The following IGF2BP2 variants were observed in gnomAD, a reference collection of about 807,000 sequenced individuals.
IGF2BP2 encodes the protein insulin-like growth factor 2 mRNA-binding protein 2.
Under a neutral mutation model 75.8 loss-of-function variants are expected in IGF2BP2, and 17 were observed. The observed-to-expected ratio is 0.22, with a 90% CI of 0.15 to 0.34. The LOEUF is 0.34. Ranked by LOEUF, IGF2BP2 falls within the 10% of genes least tolerant of loss-of-function variation. The pLI is 1.00. For missense variants in IGF2BP2, 516 were observed against 772.4 expected (o/e 0.67, Z 3.93); for synonymous variants, 288 against 295.6 (o/e 0.97, Z 0.26).
intron 2 of IGF2BP2, among the ~76,000 whole-genome samples, chr3:185,739,887 C>T (rs1033706630): frequency 8.4e-6 from 1 of 119,012 alleles, no homozygotes; most frequent in Admixed American, 9.8e-5. Context: ...CAAGGTCTCA[C>T]TCCCATTGCC....
Position 185,692,653 on chromosome 3 carries a change from A to G in IGF2BP2, c.404+46T>C, listed in dbSNP as rs181487360. The G allele has an allele frequency of 6.0e-3, 8,867 of 1,466,586 alleles. 39 individuals are homozygous for G. Among genetic ancestry groups the G allele is most frequent in the Non-Finnish European group, 7.6e-3 (7,983 of 1,055,414 alleles). 90.8% of individuals were successfully genotyped at this position (1,466,586 alleles called of 1,614,324 possible). A position where few individuals can be genotyped will look rare whatever the true frequency, so the allele number is the denominator to read the frequency against. On this transcript the variant is annotated intron_variant, in intron 5 of 15. Coordinates refer to ENST00000382199, the MANE Select transcript of IGF2BP2 (RefSeq NM_006548.6). Reference sequence around the variant, plus strand: ...ACACAGAACTCAATGGAATTCAAATATAAAAACAAATAAATTTAAACAGAA... The same window carrying G: ...ACACAGAACTCAATGGAATTCAAATGTAAAAACAAATAAATTTAAACAGAA...
chr3:185,738,432 G>A (rs905006377), intron 2 of IGF2BP2, among the ~76,000 whole-genome samples: 2 of 152,274 alleles, frequency 1.3e-5, no homozygotes, highest in Admixed American at 6.5e-5. Context: ...CACAGAAGAC[G>A]GAGGCAGGAA....
In IGF2BP2 at chr3:185,665,329, G is replaced by GAGGAGGAGA. The variant is rs1553851394; in HGVS notation, c.1201-6921_1201-6920insTCTCCTCCT. On this transcript the variant is annotated intron_variant, in intron 10 of 15. Coordinates refer to ENST00000382199, the MANE Select transcript of IGF2BP2 (RefSeq NM_006548.6). ...GAAGGAGCAGAAGGAGAAGGAGGAG[G>GAGGAGGAGA]AGGAGGAGGAGGAGAAGGAGGAGGA... Among the ~76,000 whole-genome samples, 60 of 90,538 alleles carry GAGGAGGAGA rather than the reference G, an allele frequency of 6.6e-4. 6 individuals carry two copies. The highest frequency in any genetic ancestry group is 7.7e-4 in the Non-Finnish European group (34 of 44,290). 59.4% of individuals were successfully genotyped at this position (90,538 alleles called of 152,430 possible). A position where few individuals can be genotyped will look rare whatever the true frequency, so the allele number is the denominator to read the frequency against.
rs781417130 is a variant in IGF2BP2, at chr3:185,731,981, C to CA, written c.240-33635dup. Among the ~76,000 whole-genome samples, 1,292 of 141,466 alleles carry CA rather than the reference C, an allele frequency of 9.1e-3. 8 individuals carry two copies. Among genetic ancestry groups the CA allele is most frequent in the East Asian group, 0.034 (169 of 4,910 alleles). The allele number at this position is 141,466 out of a possible 152,430, so 92.8% of individuals were successfully genotyped here. ...TGGGCGACAGAGCGAGACTCCGTCT[C>CA]AAAAAAAAAAAAGATCATTCCGGAC... On this transcript the variant is annotated intron_variant, in intron 2 of 15. Transcript: ENST00000382199.
intron 2 of IGF2BP2, chr3:185,821,105 G>A (rs1007738594): frequency 9.2e-6 from 14 of 1,527,026 alleles, no homozygotes; most frequent in Middle Eastern, 1.7e-4. Flanking sequence ...ACACAATACC[G>A]GTCATTAGCT....
chr3:185,794,991 G>C (rs901470775), intron 2 of IGF2BP2, among the ~76,000 whole-genome samples: 2 of 151,748 alleles, frequency 1.3e-5, no homozygotes, highest in Non-Finnish European at 1.5e-5. Flanking sequence ...TCCACCTCCC[G>C]GGTTCATGCC....
chr3:185,692,738 A>T lies in IGF2BP2; in HGVS notation c.365T>A (p.Val122Asp). 1 of 1,614,060 alleles carries T rather than the reference A, an allele frequency of 6.2e-7. No homozygotes were observed. Among genetic ancestry groups the T allele is most frequent in the Non-Finnish European group, 8.5e-7 (1 of 1,179,950 alleles). The part of the protein sequence containing the change: ...EQVNTDTETA[V>D]VNVTYATREE... Reference sequence around the variant, plus strand: ...TCTTGTTGCATATGTGACGTTGACAACGGCGGTTTCTGTGTCTGTGTTGAC... The same window carrying T: ...TCTTGTTGCATATGTGACGTTGACATCGGCGGTTTCTGTGTCTGTGTTGAC... The change falls in exon 5 of 16, where the codon GTT becomes GAT. Residue 122 changes from valine to aspartate, a missense_variant. Around this residue, in one of 3 missense-constraint regions of IGF2BP2, gnomAD observed 312 missense variants for 474.5 expected, o/e 0.66. Coordinates refer to ENST00000382199, the MANE Select transcript of IGF2BP2 (RefSeq NM_006548.6).
intron 5 of IGF2BP2, 52 bp downstream of exon 5, chr3:185,692,647 T>C: frequency 7.0e-7 from 1 of 1,438,560 alleles, no homozygotes; most frequent in Non-Finnish European, 9.7e-7. Flanking sequence ...TCAATGGAAT[T>C]CAAATATAAA....
intron 2 of IGF2BP2, among the ~76,000 whole-genome samples, chr3:185,741,387 G>A (rs1729536874): frequency 6.6e-6 from 1 of 152,260 alleles, no homozygotes; most frequent in Admixed American, 6.5e-5. Context: ...TGTCAATTTT[G>A]ATTTTTATTG....
chr3:185,714,248 CT>C (rs1204420449), intron 2 of IGF2BP2, among the ~76,000 whole-genome samples: 2 of 152,092 alleles, frequency 1.3e-5, no homozygotes, highest in Non-Finnish European at 2.9e-5. Flanking sequence ...TTTTTGACAG[CT>C]GTATAATATT....
chr3:185,663,346 A>C (rs1367674443), intron 10 of IGF2BP2, among the ~76,000 whole-genome samples: 3 of 152,226 alleles, frequency 2.0e-5, no homozygotes, highest in African/African-American at 4.8e-5. Flanking sequence ...CTCACCTCCC[A>C]CCCACTAACT....
intron 12 of IGF2BP2, 150 bp downstream of exon 12, chr3:185,657,136 G>T (rs774451389): frequency 3.5e-6 from 2 of 566,202 alleles, no homozygotes; most frequent in Non-Finnish European, 6.3e-6. Flanking sequence ...AGATGAGAGC[G>T]GACGGGAATA....
intron 2 of IGF2BP2, among the ~76,000 whole-genome samples, chr3:185,764,129 T>TA (rs1560432408): frequency 6.6e-6 from 1 of 152,000 alleles, no homozygotes; most frequent in South Asian, 2.1e-4. Context: ...ACACTTTTCT[T>TA]AAAAAATACT....
chr3:185,728,506 A>C (rs1037058387), intron 2 of IGF2BP2: 2 of 152,258 alleles, frequency 1.3e-5, no homozygotes, highest in Non-Finnish European at 2.9e-5. Context: ...AGACTGACAG[A>C]GGAGACAGCT....
intron 2 of IGF2BP2, among the ~76,000 whole-genome samples, chr3:185,727,092 C>T (rs1345853765): frequency 6.6e-6 from 1 of 151,970 alleles, no homozygotes; most frequent in African/African-American, 2.4e-5. Context: ...GTGGCAGGCA[C>T]CTGTAATCCC....
chr3:185,760,344 ACT>A (rs1363377096), intron 2 of IGF2BP2, among the ~76,000 whole-genome samples: 1 of 151,746 alleles, frequency 6.6e-6, no homozygotes, highest in African/African-American at 2.4e-5. Flanking sequence ...TCAGTATGTT[ACT>A]CTCTTTTGTA....
intron 12 of IGF2BP2, among the ~76,000 whole-genome samples, chr3:185,656,160 C>T (rs1342737866): frequency 6.6e-6 from 1 of 152,252 alleles, no homozygotes; most frequent in Non-Finnish European, 1.5e-5. Flanking sequence ...AGGGCTGCAG[C>T]CAGCCAGGGG....
intron 7 of IGF2BP2, among the ~76,000 whole-genome samples, chr3:185,684,538 G>T (rs2149291252): frequency 6.6e-6 from 1 of 152,232 alleles, no homozygotes; most frequent in African/African-American, 2.4e-5. Flanking sequence ...CCAAGTAGCT[G>T]GGACTTCAGG....
intron 10 of IGF2BP2, among the ~76,000 whole-genome samples, chr3:185,659,669 C>A (rs1171924165): frequency 6.6e-6 from 1 of 151,994 alleles, no homozygotes; most frequent in African/African-American, 2.4e-5. Flanking sequence ...AGCCACTGCA[C>A]CCTGCCAAGT....
Sources: allele counts gnomAD v4.1 joint callset (sites outside exome capture counted in the v4.1 genomes callset), GRCh38; gene constraint gnomAD v4.1.1; regional missense constraint gnomAD v4.1.1; transcripts MANE v1.5; gene names NCBI Gene and HGNC (gene_info 2026-07-23, HGNC 2026-07-21).